The following ABHD5 variants were observed in gnomAD, a reference collection of about 807,000 sequenced individuals.
ABHD5 encodes the protein abhydrolase domain containing 5, lysophosphatidic acid acyltransferase, also known as 1-acylglycerol-3-phosphate O-acyltransferase ABHD5.
Under a neutral mutation model 44.9 loss-of-function variants are expected in ABHD5, and 30 were observed. That is an observed-to-expected ratio of 0.67 (90% CI 0.50 to 0.91). ABHD5 has a LOEUF of 0.91. Among genes scored for constraint, ABHD5 ranks in the 40% least tolerant of loss-of-function variants. ABHD5 has a pLI of 0.00. For synonymous variants in ABHD5, 167 were observed against 147.0 expected (o/e 1.14, Z -0.99); for missense variants, 399 against 423.4 (o/e 0.94, Z 0.50).
intron 1 of ABHD5, among the ~76,000 whole-genome samples, chr3:43,691,770 A>G (rs948263203): frequency 3.3e-5 from 5 of 152,206 alleles, no homozygotes; most frequent in East Asian, 1.9e-4. Flanking sequence ...CATCTTTCGG[A>G]TGAAGGTCTT....
At chr3:43,712,886 A>G (rs1159632398) in intron 4 of ABHD5, among the ~76,000 whole-genome samples, 2 of 152,134 alleles carry the variant, frequency 1.3e-5, no homozygotes, top group Admixed American at 6.5e-5. Context: ...GGAAGGCTCC[A>G]CCTGACCTCT....
intron 2 of ABHD5, 200 bp downstream of exon 2, chr3:43,699,561 G>T: frequency 3.5e-6 from 2 of 569,608 alleles, no homozygotes; most frequent in African/African-American, 1.9e-5. Context: ...TTTTGGTCTT[G>T]GGCCCCTGTT....
chr3:43,715,428 G>T (rs151022046), intron 5 of ABHD5, among the ~76,000 whole-genome samples: 466 of 152,330 alleles, frequency 3.1e-3, no homozygotes, highest in Middle Eastern at 0.02. Context: ...CTCCCAAAAT[G>T]TTGGGATTAC....
rs1338412139 is a variant in ABHD5, at chr3:43,691,019, C to G, written c.27C>G (p.Asp9Glu). Residue 9 changes from aspartate to glutamate, a missense_variant, in exon 1 of 7, where the codon GAC becomes GAG. Physicochemically the swap from Asp to Glu is conservative, Grantham distance 45. Transcript: ENST00000644371. ...TGGCGGCGGAGGAGGAGGAGGTGGA[C>G]TCTGCCGACACCGGAGAGAGGTAAG... MAAEEEEV[D>E]SADTGERSGW... The G allele has an allele frequency of 6.4e-7, 1 of 1,565,292 alleles. No homozygotes were observed. The highest frequency in any genetic ancestry group is 1.8e-5 in the Admixed American group (1 of 54,502).
At chr3:43,708,743 A>G (rs747237023) in intron 3 of ABHD5, among the ~76,000 whole-genome samples, 4 of 152,224 alleles carry the variant, frequency 2.6e-5, no homozygotes, top group South Asian at 2.1e-4. Flanking sequence ...ACAGTTAACT[A>G]TAGTTTAGAT....
At chr3:43,714,113 TTTTC>T (rs747209100) in intron 4 of ABHD5, among the ~76,000 whole-genome samples, 137 of 151,782 alleles carry the variant, frequency 9.0e-4, no homozygotes, top group African/African-American at 1.1e-3. Context: ...TTTTCTTTTC[TTTTC>T]TTTCTTTCTT....
Position 43,718,797 on chromosome 3 carries a change from C to A in ABHD5, c.*265C>A. On this transcript the variant is annotated 3_prime_UTR_variant, in exon 7 of 7. Transcript: ENST00000644371. ...TTTAAATAAAAGGTTATTTGTCCCT[C>A]TGATGTACTGAAAAACTGTAATTTT... 1 of 370,690 alleles carries A rather than the reference C, an allele frequency of 2.7e-6. No homozygotes were observed. Among genetic ancestry groups the A allele is most frequent in the Non-Finnish European group, 5.0e-6 (1 of 201,622 alleles). The allele number at this position is 370,690 out of a possible 1,614,324, so 23.0% of individuals were successfully genotyped here.
At chr3:43,695,158 G>C (rs967484903) in intron 1 of ABHD5, 1 of 152,058 alleles carries the variant, frequency 6.6e-6, no homozygotes, top group African/African-American at 2.4e-5. Flanking sequence ...CCCAAAGTAC[G>C]CTTTTTTCTT....
At chr3:43,707,942 T>C (rs1362648038) in intron 3 of ABHD5, among the ~76,000 whole-genome samples, 1 of 152,194 alleles carries the variant, frequency 6.6e-6, no homozygotes, top group Non-Finnish European at 1.5e-5. Context: ...ATTATTGTTC[T>C]TGTTGCATTA....
intron 7 of ABHD5, among the ~76,000 whole-genome samples, chr3:43,733,724 CG>C (rs1697286723): frequency 6.6e-6 from 1 of 152,122 alleles, no homozygotes; most frequent in African/African-American, 2.4e-5. Flanking sequence ...AGGAGAAAAA[CG>C]TATTTGGGGT....
intron 1 of ABHD5, among the ~76,000 whole-genome samples, chr3:43,698,931 T>G (rs770110302): frequency 2.0e-5 from 3 of 152,272 alleles, no homozygotes; most frequent in Non-Finnish European, 2.9e-5. Flanking sequence ...TAACTTTTTT[T>G]GCACTTCTAC....
chr3:43,727,971 C>A (rs182895391), intron 7 of ABHD5, among the ~76,000 whole-genome samples: 66 of 152,288 alleles, frequency 4.3e-4, no homozygotes, highest in Non-Finnish European at 8.8e-4. Flanking sequence ...TGTTTGCAAT[C>A]AGCATCTTGT....
intron 4 of ABHD5, among the ~76,000 whole-genome samples, chr3:43,713,658 G>T (rs1050409486): frequency 1.3e-5 from 2 of 152,162 alleles, no homozygotes; most frequent in African/African-American, 4.8e-5. Flanking sequence ...ACTATGCCTG[G>T]TCCTTCTCTG....
At chr3:43,709,367 A>G (rs1289052120) in intron 3 of ABHD5, among the ~76,000 whole-genome samples, 1 of 152,192 alleles carries the variant, frequency 6.6e-6, no homozygotes, top group Non-Finnish European at 1.5e-5. Flanking sequence ...TGGCATTTTC[A>G]CCTAGGGATG....
chr3:43,717,195 A>AC (rs1456001260), intron 5 of ABHD5, among the ~76,000 whole-genome samples: 4 of 133,760 alleles, frequency 3.0e-5, no homozygotes, highest in East Asian at 4.9e-4. Context: ...AAAAAAACAA[A>AC]AAAAAAAAAT....
In ABHD5 at chr3:43,717,673, G is replaced by C. The variant is rs1351652950; in HGVS notation, c.776G>C (p.Gly259Ala). 3.7e-6 allele frequency: 6 copies of C among 1,614,150 alleles called. No individual in the cohort carries two copies. The highest frequency in any genetic ancestry group is 3.4e-6 in the Non-Finnish European group (4 of 1,180,030). Residue 259 changes from glycine (G) to alanine (A), a missense_variant and splice_region_variant, in exon 6 of 7, where the codon GGT becomes GCT. Coordinates refer to ENST00000644371, the MANE Select transcript of ABHD5 (RefSeq NM_016006.6). ...TGATTTTCTCCTTGCCGTTAAAGTGGTGAGACAGCTTTCAAGAATATGACT... is the reference window on the plus strand; with the variant it reads ...TGATTTTCTCCTTGCCGTTAAAGTGCTGAGACAGCTTTCAAGAATATGACT... ...IYHCNVQTPS[G>A]ETAFKNMTIP...
At position 43,718,517 on chromosome 3, in the gene ABHD5, C is replaced by T. The variant is rs556204374; in HGVS notation, c.1035C>T (p.Cys345=). ...TCAACCAGAAAGTAAAGGAGATCTG[C>T]GACACTGTGGACTGAACACACTGAA... ...EEFNQKVKEI[C]DTVD is the part of the protein sequence containing the mutation. Residue 345 remains cysteine, a synonymous_variant, in exon 7 of 7, where the codon TGC becomes TGT. Coordinates refer to ENST00000644371, the MANE Select transcript of ABHD5 (RefSeq NM_016006.6). 8.7e-6 allele frequency: 14 copies of T among 1,613,988 alleles called. No homozygotes were observed. Among genetic ancestry groups the T allele is most frequent in the Middle Eastern group, 3.3e-4 (2 of 6,058 alleles).
At chr3:43,710,219 CATTT>C (rs1435763503) in intron 3 of ABHD5, among the ~76,000 whole-genome samples, 12 of 152,218 alleles carry the variant, frequency 7.9e-5, no homozygotes, top group Admixed American at 5.2e-4. Flanking sequence ...AAATGAAACT[CATTT>C]ATCACATATC....
In ABHD5 at chr3:43,718,728, C is replaced by T. The variant is rs1005645148; in HGVS notation, c.*196C>T. On this transcript the variant is annotated 3_prime_UTR_variant, in exon 7 of 7. Transcript: ENST00000644371. ...CCTTCTAGAAGAATGGCTTTCCTTTCTCCTACACAAAATTGAAATATACAA... is the reference window on the plus strand; with the variant it reads ...CCTTCTAGAAGAATGGCTTTCCTTTTTCCTACACAAAATTGAAATATACAA... 1.7e-6 allele frequency: 1 copy of T among 586,072 alleles called. No individual in the cohort carries two copies. The highest frequency in any genetic ancestry group is 2.9e-5 in the Admixed American group (1 of 34,506). The allele number at this position is 586,072 out of a possible 1,614,324, so 36.3% of individuals were successfully genotyped here.
Sources: gnomAD v4.1 joint callset for allele counts (sites outside exome capture counted in the v4.1 genomes callset) on GRCh38, gnomAD v4.1.1 for gene constraint, MANE v1.5 for transcripts, NCBI Gene and HGNC (gene_info 2026-07-23, HGNC 2026-07-21) for gene names.